GRM1: variants seen among roughly 807,000 people sequenced by gnomAD.
GRM1 encodes metabotropic glutamate receptor 1.
Under a neutral mutation model 90.9 loss-of-function variants are expected in GRM1, and 33 were observed. That is an observed-to-expected ratio of 0.36 (90% CI 0.28 to 0.49). The LOEUF is 0.49. Ranked by LOEUF, GRM1 falls within the 20% of genes least tolerant of loss-of-function variation. The pLI is 0.99. For missense variants in GRM1, 1,190 were observed against 1,534.3 expected, an observed-to-expected ratio of 0.78 and a Z score of 3.75; for synonymous variants, 700 against 613.2, an observed-to-expected ratio of 1.14 and a Z score of -2.09.
intron 5 of GRM1, among the ~76,000 whole-genome samples, chr6:146,381,795 C>T (rs1249625403): frequency 6.6e-6 from 1 of 152,122 alleles, no homozygotes; most frequent in South Asian, 2.1e-4. Flanking sequence ...AGAAAATTTT[C>T]TCTTTTACCT....
chr6:146,421,773 A>G (rs1220891114), intron 7 of GRM1, among the ~76,000 whole-genome samples: 1 of 152,122 alleles, frequency 6.6e-6, no homozygotes, highest in Non-Finnish European at 1.5e-5. Flanking sequence ...CATTGTGCAT[A>G]TATATAAAGA....
chr6:146,177,446 C>G (rs1778375621), intron 2 of GRM1, among the ~76,000 whole-genome samples: 1 of 152,054 alleles, frequency 6.6e-6, no homozygotes, highest in East Asian at 1.9e-4. Context: ...TAATTTGGCT[C>G]TCTTTGATTT....
chr6:146,029,334 G>A lies in GRM1; in HGVS notation c.-184G>A. The stretch of plus-strand genomic sequence containing the variant: ...TGTAGAGGCGGTCGTGGAGGACCCA[G>A]AGGAGGAGACGAAGGGGAAGGAGGC... On this transcript the variant is annotated 5_prime_UTR_variant, in exon 1 of 8. Coordinates refer to ENST00000282753, the MANE Select transcript of GRM1 (RefSeq NM_001278064.2). 1 of 646,058 alleles carries A rather than the reference G, an allele frequency of 1.5e-6. No individual in the cohort carries two copies. The allele number at this position is 646,058 out of a possible 1,614,324, so 40.0% of individuals were successfully genotyped here.
At chr6:146,080,181 AAGAGGCTGGTGT>A (rs1776316652) in intron 1 of GRM1, among the ~76,000 whole-genome samples, 1 of 152,212 alleles carries the variant, frequency 6.6e-6, no homozygotes, top group Non-Finnish European at 1.5e-5. Context: ...TACTGTGTAG[AAGAGGCTGGTGT>A]GGAGGGTGAT....
chr6:146,305,566 A>G (rs1309530931), intron 3 of GRM1, among the ~76,000 whole-genome samples: 3 of 152,170 alleles, frequency 2.0e-5, no homozygotes, highest in Non-Finnish European at 4.4e-5. Context: ...AGTATTTTCT[A>G]TGCTGCCAAG....
At chr6:146,188,972 G>T (rs1361139150) in intron 2 of GRM1, among the ~76,000 whole-genome samples, 1 of 152,154 alleles carries the variant, frequency 6.6e-6, no homozygotes, top group East Asian at 1.9e-4. Flanking sequence ...AAGCTACTGT[G>T]CTAAAAGCTG....
In GRM1 at chr6:146,304,692, T is replaced by C. The variant is rs1783514120; in HGVS notation, c.1032T>C (p.Ser344=). 6.2e-7 allele frequency: 1 copy of C among 1,613,834 alleles called. No homozygotes were observed. The highest frequency in any genetic ancestry group is 1.1e-5 in the South Asian group (1 of 91,078). The change falls in exon 3 of 8, where the codon TCT becomes TCC. Residue 344 remains serine, a synonymous_variant. Transcript: ENST00000282753. ...GGGGAATCACGATAAAGCTGCAGTC[T>C]CCAGAGGTCAGGTCATTTGATGATT... ...ANGGITIKLQ[S]PEVRSFDDYF...
chr6:146,361,816 C>A (rs1452810662), intron 5 of GRM1, among the ~76,000 whole-genome samples: 1 of 152,226 alleles, frequency 6.6e-6, no homozygotes, highest in African/African-American at 2.4e-5. Flanking sequence ...AACTATCTTT[C>A]ATTATATGAA....
chr6:146,306,812 A>AT (rs1259041471), intron 3 of GRM1, among the ~76,000 whole-genome samples: 1 of 152,150 alleles, frequency 6.6e-6, no homozygotes, highest in African/African-American at 2.4e-5. Flanking sequence ...TGCTGACAGA[A>AT]TTGTCAAGAA....
intron 1 of GRM1, among the ~76,000 whole-genome samples, chr6:146,074,277 A>G (rs142935228): frequency 1.1e-3 from 164 of 152,224 alleles, no homozygotes; most frequent in African/African-American, 3.6e-3. Context: ...AAAAGGTTGC[A>G]GGGTGTACAT....
At chr6:146,309,642 C>G (rs970975594) in intron 3 of GRM1, among the ~76,000 whole-genome samples, 1 of 151,942 alleles carries the variant, frequency 6.6e-6, no homozygotes, top group Non-Finnish European at 1.5e-5. Flanking sequence ...AGTTAAAATA[C>G]TATAACTACT....
At chr6:146,115,096 A>C (rs1775691475) in intron 1 of GRM1, among the ~76,000 whole-genome samples, 1 of 152,138 alleles carries the variant, frequency 6.6e-6, no homozygotes, top group African/African-American at 2.4e-5. Flanking sequence ...AACCTCCTTC[A>C]AACCTACAGA....
At chr6:146,402,722 CCAA>C (rs1465723077) in intron 7 of GRM1, among the ~76,000 whole-genome samples, 2 of 152,134 alleles carry the variant, frequency 1.3e-5, no homozygotes, top group African/African-American at 2.4e-5. Context: ...AGTTGCAAGT[CCAA>C]CGGCATTCTC....
intron 5 of GRM1, among the ~76,000 whole-genome samples, chr6:146,373,746 T>C (rs1312373658): frequency 6.6e-6 from 1 of 152,172 alleles, no homozygotes; most frequent in Non-Finnish European, 1.5e-5. Flanking sequence ...GGTATATAAG[T>C]TCTAATAGTT....
intron 1 of GRM1, among the ~76,000 whole-genome samples, chr6:146,089,911 T>G (rs1776661616): frequency 6.6e-6 from 1 of 152,148 alleles, no homozygotes. Flanking sequence ...TTACAGGGGT[T>G]ATCTCTTCTG....
At chr6:146,293,791 G>C (rs1315809768) in intron 2 of GRM1, among the ~76,000 whole-genome samples, 1 of 151,430 alleles carries the variant, frequency 6.6e-6, no homozygotes, top group East Asian at 1.9e-4. Context: ...CTATTGTTCA[G>C]ATATTATATT....
At chr6:146,345,953 A>G (rs1182486183) in intron 3 of GRM1, among the ~76,000 whole-genome samples, 3 of 152,206 alleles carry the variant, frequency 2.0e-5, no homozygotes, top group Non-Finnish European at 4.4e-5. Context: ...TTATTACTCC[A>G]CAACACTGTT....
chr6:146,243,441 T>C (rs554131575), intron 2 of GRM1, among the ~76,000 whole-genome samples: 5 of 152,210 alleles, frequency 3.3e-5, no homozygotes, highest in Non-Finnish European at 7.4e-5. Flanking sequence ...AATTCTTTCA[T>C]GCCAGAATTA....
intron 3 of GRM1, among the ~76,000 whole-genome samples, chr6:146,345,804 G>A (rs1785169735): frequency 6.6e-6 from 1 of 152,186 alleles, no homozygotes; most frequent in African/African-American, 2.4e-5. Flanking sequence ...TAAGGAATTG[G>A]TTCTGATGGA....
Sources: gnomAD v4.1 joint callset for allele counts (sites outside exome capture counted in the v4.1 genomes callset) on GRCh38, gnomAD v4.1.1 for gene constraint, MANE v1.5 for transcripts, NCBI Gene and HGNC (gene_info 2026-07-23, HGNC 2026-07-21) for gene names.